FAM210A: variants seen among roughly 807,000 people sequenced by gnomAD.
The protein encoded by FAM210A is mitochondrial inner membrane scaffold 1.
A neutral mutation model predicts 25.3 loss-of-function variants in FAM210A; 13 were observed. The ratio of observed to expected loss-of-function variants is 0.51; its 90% CI spans 0.33 to 0.82. The LOEUF (loss-of-function observed/expected upper bound fraction) is 0.82, where lower values mean the gene tolerates loss of function less well. Among genes scored for constraint, FAM210A ranks in the 40% least tolerant of loss-of-function variants. FAM210A has a pLI of 0.02. For missense variants in FAM210A, 319 were observed against 323.2 expected (o/e 0.99, Z 0.10); for synonymous variants, 125 against 118.7 (o/e 1.05, Z -0.35).
At chr18:13,690,778 T>C (rs1042395597) in intron 1 of FAM210A, among the ~76,000 whole-genome samples, 1 of 151,918 alleles carries the variant, frequency 6.6e-6, no homozygotes, top group African/African-American at 2.4e-5. Flanking sequence ...AGACCAAAGG[T>C]AGATAAAACA....
chr18:13,703,335 G>C (rs1015219882), intron 1 of FAM210A, among the ~76,000 whole-genome samples: 2 of 152,210 alleles, frequency 1.3e-5, no homozygotes, highest in Non-Finnish European at 2.9e-5. Flanking sequence ...AGGAAGTATG[G>C]AGATGTCCCC....
intron 1 of FAM210A, chr18:13,710,554 G>A (rs1257038536): frequency 6.6e-6 from 1 of 152,148 alleles, no homozygotes; most frequent in Non-Finnish European, 1.5e-5. Context: ...GGGGCCAGCG[G>A]TCACAAGATG....
intron 3 of FAM210A, among the ~76,000 whole-genome samples, chr18:13,668,863 G>C (rs888187972): frequency 2.6e-5 from 4 of 152,164 alleles, no homozygotes; most frequent in African/African-American, 9.7e-5. Flanking sequence ...GGACCTATGG[G>C]ACCATCACTG....
At chr18:13,718,969 G>C (rs2043880200) in intron 1 of FAM210A, among the ~76,000 whole-genome samples, 1 of 152,082 alleles carries the variant, frequency 6.6e-6, no homozygotes, top group Non-Finnish European at 1.5e-5. Context: ...GCAATAAAGA[G>C]CTCTTGTATT....
intron 1 of FAM210A, among the ~76,000 whole-genome samples, 185 bp downstream of exon 1, chr18:13,726,144 G>A (rs1396569366): frequency 6.6e-6 from 1 of 152,188 alleles, no homozygotes; most frequent in East Asian, 1.9e-4. Flanking sequence ...CGGCCGCCGG[G>A]GTCTGTGGGG....
intron 1 of FAM210A, among the ~76,000 whole-genome samples, chr18:13,701,380 AG>A (rs1381022137): frequency 1.3e-5 from 2 of 152,236 alleles, no homozygotes; most frequent in Non-Finnish European, 2.9e-5. Context: ...ATCCAGTTAG[AG>A]GCCTCTTACA....
intron 1 of FAM210A, among the ~76,000 whole-genome samples, chr18:13,688,930 C>T (rs1311240049): frequency 6.6e-6 from 1 of 152,234 alleles, no homozygotes; most frequent in Non-Finnish European, 1.5e-5. Context: ...GCAGAGTTTG[C>T]TCCTGCTGGC....
intron 1 of FAM210A, among the ~76,000 whole-genome samples, chr18:13,696,097 G>T (rs945434514): frequency 6.6e-6 from 1 of 152,140 alleles, no homozygotes; most frequent in South Asian, 2.1e-4. Context: ...TAAATAAATG[G>T]AGAGATAGTC....
chr18:13,718,435 C>A (rs1168331566), intron 1 of FAM210A, among the ~76,000 whole-genome samples: 1 of 151,886 alleles, frequency 6.6e-6, no homozygotes, highest in Non-Finnish European at 1.5e-5. Flanking sequence ...CTGAGAGGCC[C>A]CTTAGTATCA....
chr18:13,666,618 G>A lies in FAM210A; in HGVS notation c.681C>T (p.Pro227=), dbSNP rs59211767. The change falls in exon 4 of 4, where the codon CCC becomes CCT. Residue 227 remains proline (P), a synonymous_variant. Transcript: ENST00000651643. ...TCCTGTCCTGCAGATACTCCTTGAC[G>A]GGTGGCGGCGTGGACATGTAGCCAT... ...RSHGYMSTPP[P]VKEYLQDRME... is the part of the protein sequence containing the mutation. 2.1e-3 allele frequency: 3,391 copies of A among 1,614,114 alleles called. 63 individuals are homozygous for A. The African/African-American group carries it at 0.039, about 18-fold the overall frequency.
Position 13,681,993 on chromosome 18 carries a change from AG to A in FAM210A, c.84del (p.Cys29ValfsTer4), listed in dbSNP as rs1328988336. 9 of 1,614,112 alleles carry A rather than the reference AG, an allele frequency of 5.6e-6. No homozygotes were observed. Among genetic ancestry groups the A allele is most frequent in the Non-Finnish European group, 7.6e-6 (9 of 1,180,050 alleles). On this transcript the variant is annotated frameshift_variant, in exon 2 of 4. Coordinates refer to ENST00000651643, the MANE Select transcript of FAM210A (RefSeq NM_152352.4). LOFTEE classifies it high-confidence loss of function. ...LEPHNAGLFG[H>X]CQNVKGPLLL... Reference sequence around the variant, plus strand: ...AGTAAAGGTCCCTTTACATTTTGACAGTGTCCAAAGAGACCAGCATTATGTG... The same window carrying A: ...AGTAAAGGTCCCTTTACATTTTGACATGTCCAAAGAGACCAGCATTATGTG...
rs1391070176 is a variant in FAM210A at position 13,665,400 on chromosome 18, A to G, written c.*1080T>C. ...CCGTCTCAAAAAAAAAAAAAAAAAA[A>G]AAAAAAATCAAGTAGAATGCTCAAA... On this transcript the variant is annotated 3_prime_UTR_variant, in exon 4 of 4. Coordinates refer to ENST00000651643, the MANE Select transcript of FAM210A (RefSeq NM_152352.4). 1 of 151,078 alleles carries G rather than the reference A, an allele frequency of 6.6e-6. No individual in the cohort carries two copies. The highest frequency in any genetic ancestry group is 2.4e-5 in the African/African-American group (1 of 41,220). The allele number at this position is 151,078 out of a possible 1,614,324, so 9.4% of individuals were successfully genotyped here.
chr18:13,716,863 T>A (rs775088370), intron 1 of FAM210A, among the ~76,000 whole-genome samples: 3 of 152,148 alleles, frequency 2.0e-5, no homozygotes, highest in Non-Finnish European at 4.4e-5. Context: ...AAACCTCTTT[T>A]GTTTATAAAT....
rs552215016 is a variant in FAM210A, at chr18:13,711,400, C to A, written c.-29+14929G>T. Among the ~76,000 whole-genome samples, 194 of 151,936 alleles carry A rather than the reference C, an allele frequency of 1.3e-3. 1 individual carries two copies. Among genetic ancestry groups the A allele is most frequent in the Non-Finnish European group, 1.9e-3 (127 of 67,920 alleles). On this transcript the variant is annotated intron_variant, in intron 1 of 3. Transcript: ENST00000651643. The stretch of plus-strand genomic sequence containing the variant: ...AAAACAAAAACAAACAAAAAACAAC[C>A]CCCCCAATCAAAAAACAAAATAAAC...
At chr18:13,706,870 C>T (rs942841135) in intron 1 of FAM210A, among the ~76,000 whole-genome samples, 1 of 152,184 alleles carries the variant, frequency 6.6e-6, no homozygotes, top group Non-Finnish European at 1.5e-5. Flanking sequence ...GAAAAAACCA[C>T]TTAGTTAAGC....
chr18:13,681,800 C>T lies in FAM210A; in HGVS notation c.278G>A (p.Arg93Lys). 6.2e-7 allele frequency: 1 copy of T among 1,614,170 alleles called. No individual in the cohort carries two copies. The highest frequency in any genetic ancestry group is 1.3e-5 in the African/African-American group (1 of 75,034). ...TGTGGCACTGGATGAAAAAACCCTC[C>T]TGAATGAAACATGTTGCTTCCCTTG... The part of the protein sequence containing the change: ...HKQGKQHVSF[R>K]RVFSSSATAQ... Residue 93 changes from arginine (R) to lysine (K), a missense_variant, in exon 2 of 4, where the codon AGG becomes AAG. Physicochemically the swap from Arg to Lys is conservative, Grantham distance 26. Transcript: ENST00000651643.
At chr18:13,707,221 C>G (rs191028747) in intron 1 of FAM210A, among the ~76,000 whole-genome samples, 76 of 152,302 alleles carry the variant, frequency 5.0e-4, no homozygotes, top group African/African-American at 1.8e-3. Flanking sequence ...TGGTCACACT[C>G]TCACCTAAGT....
chr18:13,710,102 T>C (rs1251815459), intron 1 of FAM210A: 3 of 152,212 alleles, frequency 2.0e-5, no homozygotes, highest in African/African-American at 4.8e-5. Context: ...GGTACTGAAA[T>C]TGCCTTTGTA....
chr18:13,720,492 C>G (rs1237349767), intron 1 of FAM210A, among the ~76,000 whole-genome samples: 2 of 152,190 alleles, frequency 1.3e-5, no homozygotes, highest in East Asian at 3.8e-4. Context: ...GGAACATGCC[C>G]TACACTACTC....
Sources: allele counts gnomAD v4.1 joint callset (sites outside exome capture counted in the v4.1 genomes callset), GRCh38; gene constraint gnomAD v4.1.1; transcripts MANE v1.5; gene names NCBI Gene and HGNC (gene_info 2026-07-23, HGNC 2026-07-21).